The following SLC12A9 variants were observed in gnomAD, a reference collection of about 807,000 sequenced individuals.
SLC12A9 encodes the protein CCC-interacting protein 1.
In SLC12A9, 55 loss-of-function variants were observed where a neutral mutation model predicts 66.0. The ratio of observed to expected loss-of-function variants is 0.83; its 90% CI spans 0.67 to 1.04. The LOEUF is 1.04. SLC12A9 is among the 50% of genes least tolerant of loss of function. SLC12A9 has a pLI of 0.00. For missense variants in SLC12A9, 1,061 were observed against 1,241.9 expected, an observed-to-expected ratio of 0.85 and a Z score of 2.19; for synonymous variants, 577 against 569.0, an observed-to-expected ratio of 1.01 and a Z score of -0.20.
chr7:100,837,570 C>T (rs1417851572), intron 1 of SLC12A9: 1 of 152,250 alleles, frequency 6.6e-6, no homozygotes, highest in Non-Finnish European at 1.5e-5. Context: ...GGGCGGATTC[C>T]GGAGGATTCC....
chr7:100,832,578 A>G (rs1813564416), intron 1 of SLC12A9, among the ~76,000 whole-genome samples: 1 of 152,178 alleles, frequency 6.6e-6, no homozygotes, highest in Non-Finnish European at 1.5e-5. Context: ...ATATTACAAA[A>G]TCATCATATG....
At chr7:100,850,885 A>G (rs1376707412), upstream of SLC12A9, among the ~76,000 whole-genome samples, 1 of 150,384 alleles carries the variant, frequency 6.6e-6, no homozygotes, top group African/African-American at 2.5e-5. Flanking sequence ...ACGCCCAACT[A>G]ATTTTTGTAT....
chr7:100,842,530 C>A (rs1245171463), intron 1 of SLC12A9, among the ~76,000 whole-genome samples: 2 of 152,278 alleles, frequency 1.3e-5, no homozygotes, highest in East Asian at 3.9e-4. Context: ...AGCTTTCATG[C>A]CATAGTTGGT....
chr7:100,834,767 G>A (rs1357338676), intron 1 of SLC12A9, among the ~76,000 whole-genome samples: 1 of 152,126 alleles, frequency 6.6e-6, no homozygotes, highest in Non-Finnish European at 1.5e-5. Context: ...CAGCTGTTCG[G>A]GGGGCTGAGG....
chr7:100,864,649 G>A (rs751972962), intron 13 of SLC12A9, among the ~76,000 whole-genome samples: 8 of 152,124 alleles, frequency 5.3e-5, no homozygotes, highest in Admixed American at 1.3e-4. Flanking sequence ...CTCAGAGTGT[G>A]GCCTCTCACG....
In SLC12A9 at chr7:100,843,493, C is replaced by T. The variant is rs117345845; in HGVS notation, n.229-16392C>T. Among the ~76,000 whole-genome samples, 469 of 152,318 alleles carry T rather than the reference C, an allele frequency of 3.1e-3. 12 individuals carry two copies. The East Asian group carries it at 0.035, about 11-fold the overall frequency. On this transcript the variant is annotated intron_variant and non_coding_transcript_variant, in intron 1 of 1. Transcript: ENST00000461016. The stretch of plus-strand genomic sequence containing the variant: ...GGCTACCTGAACCCTTTACACCCTA[C>T]GTGTCAGAAAGAGAAAAAAAGGCAG...
At chr7:100,865,360 A>G in intron 13 of SLC12A9, 2 of 1,535,984 alleles carry the variant, frequency 1.3e-6, no homozygotes, top group Non-Finnish European at 1.7e-6. Flanking sequence ...TGCACAACAG[A>G]GTCAAACTCG....
chr7:100,861,569 C>A lies in SLC12A9; in HGVS notation c.1521C>A (p.Ala507=), dbSNP rs548604660. 6.2e-6 allele frequency: 10 copies of A among 1,613,408 alleles called. No individual in the cohort carries two copies. The East Asian group carries it at 2.2e-4, about 36-fold the overall frequency. ...GTAGCTGGGGCTATGTCAGCCAGGC[C>A]TTGCTTTTCCACCAGGTATGGGGAG... is the stretch of plus-strand genomic sequence containing the variant. The part of the protein sequence containing the change: ...GPSSWGYVSQ[A]LLFHQVRKYL... The change falls in exon 11 of 14, where the codon GCC becomes GCA. Residue 507 remains alanine (A), a synonymous_variant. Coordinates refer to ENST00000354161, the MANE Select transcript of SLC12A9 (RefSeq NM_020246.4). The surrounding 1 kb of genome is among the most constrained non-coding windows in gnomAD (Gnocchi z 5.3).
intron 1 of SLC12A9, among the ~76,000 whole-genome samples, chr7:100,828,756 G>A (rs1179224706): frequency 6.6e-6 from 1 of 151,890 alleles, no homozygotes; most frequent in African/African-American, 2.4e-5. Context: ...GGGGGCCCTC[G>A]GGATGGCTGG....
Position 100,855,769 on chromosome 7 carries a change from C to T in SLC12A9, c.380C>T (p.Ala127Val). Residue 127 changes from alanine (A) to valine (V), a missense_variant, in exon 4 of 14, where the codon GCT becomes GTT. Transcript: ENST00000354161. ...GGSIGLMFYL[A>V]NVCGCAVSLL... ...AGCATTGGGCTCATGTTCTACCTGG[C>T]TAACGTCTGTGGCTGTGCCGTCTCC... The T allele has an allele frequency of 1.2e-6, 2 of 1,614,152 alleles. No individual in the cohort carries two copies. Among genetic ancestry groups the T allele is most frequent in the Non-Finnish European group, 1.7e-6 (2 of 1,179,996 alleles).
At position 100,865,381 on chromosome 7, in the gene SLC12A9, C is replaced by A. The variant is rs539715324; in HGVS notation, c.1859-338C>A. Reference sequence around the variant, plus strand: ...ACAGAGTCAAACTCGCATCCCCTGCCGTGAAACAGATGCCCCGCTAGAAGC... The same window carrying A: ...ACAGAGTCAAACTCGCATCCCCTGCAGTGAAACAGATGCCCCGCTAGAAGC... On this transcript the variant is annotated intron_variant, in intron 13 of 13. Coordinates refer to ENST00000354161, the MANE Select transcript of SLC12A9 (RefSeq NM_020246.4). The A allele has an allele frequency of 4.1e-5, 63 of 1,536,112 alleles. No homozygotes were observed. In the South Asian group the frequency reaches 7.0e-4, roughly 17 times the overall value.
At chr7:100,829,029 C>T (rs1460182293) in intron 1 of SLC12A9, among the ~76,000 whole-genome samples, 13 of 151,668 alleles carry the variant, frequency 8.6e-5, no homozygotes, top group African/African-American at 2.9e-4. Context: ...CCTCTATTTC[C>T]CAGGCTGGAG....
intron 1 of SLC12A9, among the ~76,000 whole-genome samples, chr7:100,838,324 T>G (rs1226914974): frequency 6.6e-6 from 1 of 152,100 alleles, no homozygotes; most frequent in Non-Finnish European, 1.5e-5. Context: ...GCAGGGAAGA[T>G]TTCACTAGGA....
chr7:100,848,050 C>T (rs1162169123), upstream of SLC12A9, among the ~76,000 whole-genome samples: 11 of 132,480 alleles, frequency 8.3e-5, no homozygotes, highest in South Asian at 4.6e-4. Context: ...CTCACCACTG[C>T]ACTGCAGCCT....
chr7:100,857,047 A>C lies in SLC12A9; in HGVS notation c.628A>C (p.Ser210Arg), dbSNP rs1041942703. Residue 210 changes from serine to arginine, a missense_variant, in exon 5 of 14, where the codon AGT becomes CGT. Transcript: ENST00000354161. The part of the protein sequence containing the change: ...VSGSLASVLI[S>R]FVAVGPRDIR... ...TGGCTCCCTGGCCTCTGTGCTCATC[A>C]GTTTTGTGGCTGTGGGGCCGAGGGA... 1 of 1,614,002 alleles carries C rather than the reference A, an allele frequency of 6.2e-7. No individual in the cohort carries two copies. The highest frequency in any genetic ancestry group is 1.3e-5 in the African/African-American group (1 of 74,894).
chr7:100,862,694 G>A lies in SLC12A9; in HGVS notation c.1725G>A (p.Ser575=). Residue 575 remains serine, a synonymous_variant, in exon 13 of 14, where the codon TCG becomes TCA. Transcript: ENST00000354161. Reference sequence around the variant, plus strand: ...TCTTCTCTGTAGACTCCCTGCCCTCGGACCCTGTACAGCCGCAGTATGGGG... The same window carrying A: ...TCTTCTCTGTAGACTCCCTGCCCTCAGACCCTGTACAGCCGCAGTATGGGG... The part of the protein sequence containing the change: ...VTLGDLDSLP[S]DPVQPQYGAW... The A allele has an allele frequency of 6.2e-7, 1 of 1,614,172 alleles. No homozygotes were observed. Among genetic ancestry groups the A allele is most frequent in the Non-Finnish European group, 8.5e-7 (1 of 1,180,032 alleles).
intron 1 of SLC12A9, among the ~76,000 whole-genome samples, chr7:100,835,520 C>T (rs1423989683): frequency 1.4e-5 from 2 of 144,854 alleles, no homozygotes; most frequent in East Asian, 2.1e-4. Context: ...TGTGGTGGTA[C>T]GCGCCTGTAG....
At chr7:100,854,803 G>C in intron 3 of SLC12A9, 49 bp downstream of exon 3, 1 of 1,605,830 alleles carries the variant, frequency 6.2e-7, no homozygotes. Flanking sequence ...CTGCCTGCTA[G>C]GGAGGGTGTG....
chr7:100,853,459 A>C (rs1299215712), intron 1 of SLC12A9: 4 of 151,662 alleles, frequency 2.6e-5, no homozygotes, highest in Admixed American at 2.6e-4. Context: ...TTGGGGTACC[A>C]CTTTTTTGTG....
Sources: allele counts gnomAD v4.1 joint callset (sites outside exome capture counted in the v4.1 genomes callset), GRCh38; gene constraint gnomAD v4.1.1; non-coding constraint Gnocchi (gnomAD v3.1); transcripts MANE v1.5; gene names NCBI Gene and HGNC (gene_info 2026-07-23, HGNC 2026-07-21).